DYNLT2: variants seen among roughly 807,000 people sequenced by gnomAD.
DYNLT2 encodes the protein dynein light chain Tctex-type protein 2.
DYNLT2 carries 24 observed loss-of-function variants against 24.3 expected under a neutral mutation model. The ratio of observed to expected loss-of-function variants is 0.99; its 90% confidence interval spans 0.71 to 1.39. DYNLT2 has a LOEUF of 1.39. Ranked by LOEUF, DYNLT2 falls within the 40% of genes most tolerant of loss-of-function variation. The pLI is 0.00. For synonymous variants in DYNLT2, 85 were observed against 85.4 expected, an observed-to-expected ratio of 1.00 and a Z score of 0.03; for missense variants, 246 against 234.5, an observed-to-expected ratio of 1.05 and a Z score of -0.32.
intron 1 of DYNLT2, chr6:169,751,106 G>A: frequency 3.8e-6 from 2 of 524,962 alleles, no homozygotes; most frequent in Non-Finnish European, 6.6e-6. Context: ...GACTTATGTA[G>A]GGTTCTATGG....
downstream of DYNLT2, among the ~76,000 whole-genome samples, chr6:169,736,821 AT>A (rs1789571643): frequency 1.3e-5 from 2 of 152,134 alleles, no homozygotes; most frequent in African/African-American, 2.4e-5. Context: ...GAGTATCTTA[AT>A]GGTGTTGTCT....
downstream of DYNLT2, among the ~76,000 whole-genome samples, chr6:169,739,574 A>G (rs1042858727): frequency 6.6e-6 from 1 of 152,182 alleles, no homozygotes; most frequent in Non-Finnish European, 1.5e-5. Context: ...AACAATTAAT[A>G]TGAATTTTCA....
the DYNLT2 span, among the ~76,000 whole-genome samples, chr6:169,727,289 A>G: frequency 2.0e-5 from 3 of 152,308 alleles, no homozygotes; most frequent in Non-Finnish European, 4.4e-5. Context: ...ATGGAGAAAG[A>G]GAGTATCTGG....
the DYNLT2 span, among the ~76,000 whole-genome samples, chr6:169,726,737 T>A: frequency 6.6e-6 from 1 of 152,188 alleles, no homozygotes; most frequent in Non-Finnish European, 1.5e-5. Context: ...TCCACAAATA[T>A]TTTATGGCAA....
chr6:169,748,229 G>A (rs928757388), intron 1 of DYNLT2, among the ~76,000 whole-genome samples: 14 of 152,070 alleles, frequency 9.2e-5, no homozygotes, highest in Non-Finnish European at 1.5e-4. Flanking sequence ...TCTTTGGGGC[G>A]GTTTGTGCAT....
downstream of DYNLT2, among the ~76,000 whole-genome samples, chr6:169,736,771 G>A (rs1369981061): frequency 6.6e-6 from 1 of 152,158 alleles, no homozygotes; most frequent in Non-Finnish European, 1.5e-5. Context: ...TAACTTCAGA[G>A]AATCTGGCAA....
the DYNLT2 span, chr6:169,725,255 G>A: frequency 8.3e-5 from 33 of 398,612 alleles, no homozygotes; most frequent in Non-Finnish European, 1.4e-4. Flanking sequence ...TTGTTCTGGA[G>A]AGTAGAGAAT....
At chr6:169,739,591 G>A (rs1249896652), downstream of DYNLT2, among the ~76,000 whole-genome samples, 1 of 152,030 alleles carries the variant, frequency 6.6e-6, no homozygotes, top group Non-Finnish European at 1.5e-5. Flanking sequence ...TTCAGTTCTT[G>A]CATCTGAAAA....
intron 3 of DYNLT2, among the ~76,000 whole-genome samples, chr6:169,741,400 A>G (rs1309279540): frequency 2.0e-5 from 3 of 152,168 alleles, no homozygotes; most frequent in African/African-American, 4.8e-5. Context: ...CAAGTGACAG[A>G]AGCCATCTTG....
At chr6:169,743,058 C>T (rs773243360) in intron 3 of DYNLT2, 22 bp downstream of exon 3, 1 of 1,492,632 alleles carries the variant, frequency 6.7e-7, no homozygotes, top group Non-Finnish European at 9.0e-7. Context: ...ATTGCTAGAT[C>T]CTGTATCAAT....
At chr6:169,743,908 TTAAC>T (rs1403428404) in intron 2 of DYNLT2, among the ~76,000 whole-genome samples, 156 bp downstream of exon 2, 1 of 152,234 alleles carries the variant, frequency 6.6e-6, no homozygotes, top group African/African-American at 2.4e-5. Context: ...ACATCTCTGA[TTAAC>T]TAACTTGTTG....
At position 169,751,426 on chromosome 6, in the gene DYNLT2, G is replaced by C. The variant is rs777457174; in HGVS notation, c.33C>G (p.Ser11Arg). The change falls in exon 1 of 4, where the codon AGC (serine) becomes AGG (arginine). Residue 11 changes from serine to arginine, a missense_variant. Physicochemically the swap from Ser to Arg is moderately radical, Grantham distance 110. Transcript: ENST00000366774. ...GGGTCTGGTTCGGGGTCTGGATGGGGCTCGACTTCACGCCTCGGCCTCGCT... is the reference window on the plus strand; with the variant it reads ...GGGTCTGGTTCGGGGTCTGGATGGGCCTCGACTTCACGCCTCGGCCTCGCT... MEKRGRGVKS[S>R]PIQTPNQTPQ... 1.7e-5 allele frequency: 28 copies of C among 1,614,134 alleles called. No individual in the cohort carries two copies. The highest frequency in any genetic ancestry group is 2.4e-5 in the Non-Finnish European group (28 of 1,180,012).
At chr6:169,738,417 C>T (rs1485471725), downstream of DYNLT2, among the ~76,000 whole-genome samples, 5 of 152,162 alleles carry the variant, frequency 3.3e-5, no homozygotes, top group South Asian at 4.1e-4. Flanking sequence ...GCCCCAGTGG[C>T]GTGGGTTTGC....
At chr6:169,731,058 ACAGGTCT>A in the DYNLT2 span, among the ~76,000 whole-genome samples, 1 of 152,150 alleles carries the variant, frequency 6.6e-6, no homozygotes, top group South Asian at 2.1e-4. Flanking sequence ...TTTTCTTGGT[ACAGGTCT>A]CAACATAGCT....
intron 1 of DYNLT2, among the ~76,000 whole-genome samples, chr6:169,748,873 G>A (rs1485094415): frequency 1.3e-5 from 2 of 152,032 alleles, no homozygotes; most frequent in Non-Finnish European, 2.9e-5. Context: ...TGGCTGACTT[G>A]CTATACTTAT....
chr6:169,732,627 T>C, the DYNLT2 span, among the ~76,000 whole-genome samples: 1 of 152,238 alleles, frequency 6.6e-6, no homozygotes, highest in African/African-American at 2.4e-5. Flanking sequence ...TTCCTTTTTA[T>C]GGCTGCATAG....
chr6:169,735,722 A>G (rs1002777191), downstream of DYNLT2, among the ~76,000 whole-genome samples: 49 of 152,202 alleles, frequency 3.2e-4, no homozygotes, highest in African/African-American at 4.8e-5. Flanking sequence ...TGATTTTAGC[A>G]TAAGTGCCAT....
the DYNLT2 span, among the ~76,000 whole-genome samples, chr6:169,727,564 G>GT: frequency 3.3e-5 from 5 of 151,530 alleles, no homozygotes; most frequent in East Asian, 7.8e-4. Flanking sequence ...TTGTTTTTTT[G>GT]TTTTTTTGTT....
At chr6:169,727,045 G>T in the DYNLT2 span, among the ~76,000 whole-genome samples, 1 of 152,234 alleles carries the variant, frequency 6.6e-6, no homozygotes, top group Non-Finnish European at 1.5e-5. Context: ...AGGAGAGAGT[G>T]TTTTAAAAGA....
Sources: gnomAD v4.1 joint callset for allele counts (sites outside exome capture counted in the v4.1 genomes callset) on GRCh38, gnomAD v4.1.1 for gene constraint, MANE v1.5 for transcripts, NCBI Gene and HGNC (gene_info 2026-07-23, HGNC 2026-07-21) for gene names.